The following SLC16A7 variants were observed in gnomAD, a reference collection of about 807,000 sequenced individuals.
SLC16A7 encodes solute carrier family 16 member 7.
A neutral mutation model predicts 34.9 loss-of-function variants in SLC16A7; 33 were observed. The ratio of observed to expected loss-of-function variants is 0.94; its 90% CI spans 0.72 to 1.26. SLC16A7 has a LOEUF of 1.26. SLC16A7 is among the 50% of genes most tolerant of loss of function. SLC16A7 has a pLI of 0.00. For missense variants in SLC16A7, 573 were observed against 578.1 expected, an observed-to-expected ratio of 0.99 and a Z score of 0.09; for synonymous variants, 201 against 206.6, an observed-to-expected ratio of 0.97 and a Z score of 0.23.
At chr12:59,688,067 A>T (rs1313331081) in intron 2 of SLC16A7, among the ~76,000 whole-genome samples, 1 of 152,104 alleles carries the variant, frequency 6.6e-6, no homozygotes, top group Non-Finnish European at 1.5e-5. Flanking sequence ...CTTCCCTTCA[A>T]CATGGCTCTT....
intron 3 of SLC16A7, among the ~76,000 whole-genome samples, chr12:59,719,041 C>A (rs557426549): frequency 6.6e-6 from 1 of 152,050 alleles, no homozygotes; most frequent in East Asian, 1.9e-4. Flanking sequence ...TTGTAAAATC[C>A]ATTTTAATTA....
chr12:59,661,724 T>C (rs905042018), intron 2 of SLC16A7, among the ~76,000 whole-genome samples: 1 of 152,104 alleles, frequency 6.6e-6, no homozygotes, highest in Non-Finnish European at 1.5e-5. Flanking sequence ...CTTGCATATT[T>C]GTGGTTAGGA....
chr12:59,673,741 C>T (rs1870082396), intron 2 of SLC16A7, among the ~76,000 whole-genome samples: 1 of 152,104 alleles, frequency 6.6e-6, no homozygotes, highest in Non-Finnish European at 1.5e-5. Context: ...TTCTGTGTAT[C>T]AGTTCTTCAA....
chr12:59,753,125 C>A (rs1036541874), intron 3 of SLC16A7, among the ~76,000 whole-genome samples: 33 of 152,322 alleles, frequency 2.2e-4, no homozygotes, highest in African/African-American at 7.5e-4. Context: ...TGGAAAGGAA[C>A]AACCAGTACC....
chr12:59,618,139 T>A (rs2136977142), intron 1 of SLC16A7, among the ~76,000 whole-genome samples: 1 of 152,044 alleles, frequency 6.6e-6, no homozygotes. Flanking sequence ...CAAATTATCT[T>A]TCTTTTTAGA....
intron 1 of SLC16A7, among the ~76,000 whole-genome samples, chr12:59,639,583 C>G (rs1415829599): frequency 4.6e-5 from 7 of 151,984 alleles, no homozygotes; most frequent in Non-Finnish European, 1.0e-4. Flanking sequence ...ACAGGGGTCT[C>G]CCGATATTGC....
chr12:59,640,736 A>G (rs972764384), intron 1 of SLC16A7, among the ~76,000 whole-genome samples: 5 of 152,108 alleles, frequency 3.3e-5, no homozygotes, highest in Non-Finnish European at 7.4e-5. Flanking sequence ...AAGTTCTGCC[A>G]TGTATTAAAA....
Position 59,771,275 on chromosome 12 carries a change from G to A in SLC16A7, c.274G>A (p.Gly92Arg), listed in dbSNP as rs759294925. Reference sequence around the variant, plus strand: ...CGGCAGCCGGCCGGTGGTGATAGCAGGAGGCTTATTATGCTGTCTTGGAAT... The same window carrying A: ...CGGCAGCCGGCCGGTGGTGATAGCAAGAGGCTTATTATGCTGTCTTGGAAT... ...KYGSRPVVIA[G>R]GLLCCLGMVL... The change falls in exon 4 of 6, where the codon GGA becomes AGA. Residue 92 changes from glycine (G) to arginine (R), a missense_variant. Transcript: ENST00000547379. 6.2e-7 allele frequency: 1 copy of A among 1,613,510 alleles called. No homozygotes were observed. Among genetic ancestry groups the A allele is most frequent in the Non-Finnish European group, 8.5e-7 (1 of 1,179,632 alleles).
At chr12:59,770,030 A>G (rs776366301) in intron 3 of SLC16A7, among the ~76,000 whole-genome samples, 9 of 152,134 alleles carry the variant, frequency 5.9e-5, no homozygotes, top group Non-Finnish European at 1.5e-5. Flanking sequence ...TTACACTGTT[A>G]TTTTATAGTA....
intron 1 of SLC16A7, among the ~76,000 whole-genome samples, chr12:59,654,214 A>G (rs1868418636): frequency 6.6e-6 from 1 of 151,292 alleles, no homozygotes; most frequent in Non-Finnish European, 1.5e-5. Context: ...GAGTCTTTAA[A>G]TAGAACCTTG....
chr12:59,779,200 T>G (rs943709387), intron 5 of SLC16A7, among the ~76,000 whole-genome samples: 2 of 152,200 alleles, frequency 1.3e-5, no homozygotes, highest in Admixed American at 1.3e-4. Context: ...AGAGAAATAA[T>G]TTTTAGTAAA....
intron 3 of SLC16A7, among the ~76,000 whole-genome samples, chr12:59,714,753 T>C (rs996741778): frequency 3.3e-5 from 5 of 151,986 alleles, no homozygotes; most frequent in Admixed American, 3.3e-4. Flanking sequence ...TTAGTAGATA[T>C]GGGGTTTCGC....
At chr12:59,715,748 G>A (rs1048639142) in intron 3 of SLC16A7, among the ~76,000 whole-genome samples, 1 of 152,160 alleles carries the variant, frequency 6.6e-6, no homozygotes, top group Non-Finnish European at 1.5e-5. Context: ...AGATAAATAT[G>A]TAAATATAGA....
At chr12:59,739,017 TTCA>T (rs1366549524) in intron 3 of SLC16A7, among the ~76,000 whole-genome samples, 1 of 133,846 alleles carries the variant, frequency 7.5e-6, no homozygotes, top group East Asian at 2.1e-4. Context: ...AAATTTTTTT[TTCA>T]TTTATTTATT....
At chr12:59,735,962 CT>C in intron 3 of SLC16A7, 3 of 1,199,114 alleles carry the variant, frequency 2.5e-6, no homozygotes, top group Non-Finnish European at 3.3e-6. Flanking sequence ...ATCATTCACC[CT>C]TTAAAGAGAT....
At chr12:59,629,176 A>G (rs572997585) in intron 1 of SLC16A7, among the ~76,000 whole-genome samples, 2 of 151,732 alleles carry the variant, frequency 1.3e-5, no homozygotes, top group Non-Finnish European at 2.9e-5. Flanking sequence ...TCTCATCACA[A>G]CCTCATCTAA....
chr12:59,661,511 A>G (rs555376502), intron 2 of SLC16A7, among the ~76,000 whole-genome samples: 6 of 152,200 alleles, frequency 3.9e-5, no homozygotes, highest in Admixed American at 1.3e-4. Flanking sequence ...CCTGAGCTAG[A>G]AGGATATTTT....
intron 2 of SLC16A7, among the ~76,000 whole-genome samples, chr12:59,686,969 T>G (rs1412671743): frequency 6.6e-6 from 1 of 152,038 alleles, no homozygotes; most frequent in Non-Finnish European, 1.5e-5. Context: ...GCATGTGAGG[T>G]GCTATGTACG....
At chr12:59,637,870 A>C (rs1033930756) in intron 1 of SLC16A7, among the ~76,000 whole-genome samples, 2 of 152,118 alleles carry the variant, frequency 1.3e-5, no homozygotes, top group Admixed American at 1.3e-4. Context: ...TTGGCTTGCT[A>C]TAAAAGCAAG....
Sources: allele counts gnomAD v4.1 joint callset (sites outside exome capture counted in the v4.1 genomes callset), GRCh38; gene constraint gnomAD v4.1.1; transcripts MANE v1.5; gene names NCBI Gene and HGNC (gene_info 2026-07-23, HGNC 2026-07-21).